Variants in IFNA13 observed in about 807,000 individuals in gnomAD.
IFNA13 encodes interferon alpha-13.
For missense variants in IFNA13, 166 were observed against 220.7 expected, an observed-to-expected ratio of 0.75 and a Z score of 1.57; for synonymous variants, 61 against 86.3, an observed-to-expected ratio of 0.71 and a Z score of 1.62.
downstream of IFNA13, chr9:21,367,413 G>A (rs767572402): frequency 6.8e-6 from 11 of 1,613,364 alleles, no homozygotes; most frequent in African/African-American, 1.5e-4. Flanking sequence ...GAGTCAATAA[G>A]AATTGTTTCA....
At position 21,367,587 on chromosome 9, in the gene IFNA13, A is replaced by G. The variant is rs537494699; in HGVS notation, c.424T>C (p.Leu142=). The G allele has an allele frequency of 3.4e-5, 55 of 1,602,866 alleles. 1 individual carries two copies. The highest frequency in any genetic ancestry group is 1.1e-4 in the East Asian group (5 of 44,724). Residue 142 remains leucine (L), a synonymous_variant, in exon 1 of 1, where the codon TTG becomes CTG. Coordinates refer to ENST00000610660, the Ensembl canonical transcript of IFNA13. ...CTTCGGAAGTATTTCTTCACAGCCA[A>G]GATGGAGTCCGCATTCATCAGGGGA...
exon 1 of IFNA13, chr9:21,367,891 C>T (rs1820652143): frequency 1.9e-6 from 3 of 1,610,440 alleles, no homozygotes; most frequent in East Asian, 2.2e-5. Flanking sequence ...GTGCCAGGAG[C>T]ATCAAGGTCC....
exon 1 of IFNA13, chr9:21,367,744 G>A (rs754415262): frequency 6.9e-7 from 1 of 1,456,916 alleles, no homozygotes. Flanking sequence ...TAAAGAGGTT[G>A]AAGATCTGCT....
exon 1 of IFNA13, chr9:21,367,819 C>T (rs1820651051): frequency 1.3e-6 from 2 of 1,597,936 alleles, no homozygotes; most frequent in East Asian, 4.5e-5. Flanking sequence ...CAAACTCCTC[C>T]TGGGGAAATC....
chr9:21,367,585 C>A, exon 1 of IFNA13: 1 of 1,602,696 alleles, frequency 6.2e-7, no homozygotes. Context: ...TCTTCACAGC[C>A]AAGATGGAGT....
chr9:21,367,553 A>G, exon 1 of IFNA13: 1 of 1,608,620 alleles, frequency 6.2e-7, no homozygotes, highest in Non-Finnish European at 8.5e-7. Context: ...TGTCAGATAG[A>G]GAGTGATTCT....
exon 1 of IFNA13, chr9:21,367,957 C>T (rs1490573451): frequency 6.8e-6 from 11 of 1,612,814 alleles, no homozygotes; most frequent in African/African-American, 6.8e-5. Flanking sequence ...AGCAGCTTGA[C>T]TTGCAGCTGA....
chr9:21,368,006 A>G (rs746615914), exon 1 of IFNA13: 9 of 1,612,750 alleles, frequency 5.6e-6, no homozygotes, highest in Non-Finnish European at 6.8e-6. Context: ...GGGCGAGGCC[A>G]TCATAGATAT....
chr9:21,367,740 G>C, exon 1 of IFNA13: 3 of 1,448,722 alleles, frequency 2.1e-6, no homozygotes, highest in Non-Finnish European at 2.8e-6. Flanking sequence ...GTGGTAAAGA[G>C]GTTGAAGATC....
chr9:21,367,510 A>C, exon 1 of IFNA13: 2 of 1,590,776 alleles, frequency 1.3e-6, no homozygotes, highest in Non-Finnish European at 1.7e-6. Flanking sequence ...CTGCTCTGAC[A>C]ACCTCCCAGG....
exon 1 of IFNA13, chr9:21,367,969 C>T: frequency 6.2e-7 from 1 of 1,612,996 alleles, no homozygotes; most frequent in African/African-American, 1.4e-5. Flanking sequence ...TGCAGCTGAG[C>T]ACCACCAGGG....
exon 1 of IFNA13, chr9:21,367,426 T>G (rs1212263706): frequency 6.2e-7 from 1 of 1,613,810 alleles, no homozygotes; most frequent in Admixed American, 1.7e-5. Context: ...TTGTTTCATG[T>G]TGGACCAGGT....
At chr9:21,367,952 C>T (rs147116149) in exon 1 of IFNA13, 1 of 1,612,870 alleles carries the variant, frequency 6.2e-7, no homozygotes, top group Non-Finnish European at 8.5e-7. Flanking sequence ...CAGAGAGCAG[C>T]TTGACTTGCA....
At chr9:21,368,054 G>A (rs1488469687) in exon 1 of IFNA13, 1 of 1,608,194 alleles carries the variant, frequency 6.2e-7, no homozygotes, top group Non-Finnish European at 8.5e-7. Flanking sequence ...GGGTGACTCT[G>A]AACCTTGGGC....
exon 1 of IFNA13, chr9:21,367,888 G>A: frequency 6.2e-7 from 1 of 1,610,350 alleles, no homozygotes; most frequent in Non-Finnish European, 8.5e-7. Context: ...TTTGTGCCAG[G>A]AGCATCAAGG....
exon 1 of IFNA13, chr9:21,367,728 T>C: frequency 7.0e-7 from 1 of 1,436,172 alleles, no homozygotes; most frequent in Non-Finnish European, 9.4e-7. Flanking sequence ...GATGAATCTT[T>C]TGTGGTAAAG....
Position 21,367,930 on chromosome 9 carries a change from G to A in IFNA13, c.81C>T (p.Leu27=), listed in dbSNP as rs533199982. The stretch of plus-strand genomic sequence containing the variant: ...TGTTATCCAGGCTGTGGGTCTCAGG[G>A]AGATCACAGCCCAGAGAGCAGCTTG... Residue 27 remains leucine, a synonymous_variant, in exon 1 of 1, where the codon CTC becomes CTT. Coordinates refer to ENST00000610660, the Ensembl canonical transcript of IFNA13. The A allele has an allele frequency of 3.2e-5, 51 of 1,612,450 alleles. No individual in the cohort carries two copies. The South Asian group carries it at 5.1e-4, about 16-fold the overall frequency.
the IFNA13 span, chr9:21,367,731 TG>T: frequency 4.9e-6 from 7 of 1,435,086 alleles, no homozygotes; most frequent in African/African-American, 7.7e-5. Flanking sequence ...GAATCTTTTG[TG>T]GTAAAGAGGT....
At chr9:21,367,401 A>G (rs763210663), downstream of IFNA13, 9 of 1,612,662 alleles carry the variant, frequency 5.6e-6, no homozygotes, top group East Asian at 8.9e-5. Flanking sequence ...GACCTGGTAT[A>G]TGAGTCAATA....
Sources: gnomAD v4.1 joint callset for allele counts on GRCh38, gnomAD v4.1.1 for gene constraint, MANE v1.5 for transcripts, NCBI Gene and HGNC (gene_info 2026-07-23, HGNC 2026-07-21) for gene names.